C9: variants seen among roughly 807,000 people sequenced by gnomAD.
C9 encodes complement component C9.
In C9, 63 loss-of-function variants were observed where a neutral mutation model predicts 65.4. That is an observed-to-expected ratio of 0.96 (90% CI 0.79 to 1.19). C9 has a LOEUF of 1.19. C9 is among the 50% of genes most tolerant of loss of function. The pLI, the probability that C9 is intolerant of heterozygous loss-of-function variation, is 0.00. For synonymous variants in C9, 229 were observed against 227.9 expected (o/e 1.00, Z -0.04); for missense variants, 744 against 670.1 (o/e 1.11, Z -1.22).
At chr5:39,351,865 C>A (rs1028524876) in intron 1 of C9, among the ~76,000 whole-genome samples, 2 of 152,150 alleles carry the variant, frequency 1.3e-5, no homozygotes, top group Non-Finnish European at 1.5e-5. Flanking sequence ...TGCCTGTTAC[C>A]CAGTTCCAAA....
At chr5:39,327,327 A>AG (rs1191617405) in intron 5 of C9, among the ~76,000 whole-genome samples, 1 of 152,214 alleles carries the variant, frequency 6.6e-6, no homozygotes, top group East Asian at 1.9e-4. Flanking sequence ...GAAAAGCTAG[A>AG]GGCTGTAAAC....
rs1752949730 is a variant in C9 at position 39,284,331 on chromosome 5, A to G, written c.*868T>C. On this transcript the variant is annotated 3_prime_UTR_variant, in exon 11 of 11. Coordinates refer to ENST00000263408, the MANE Select transcript of C9 (RefSeq NM_001737.5). ...CAAAAGGTCTCAGACCCTAAGCACC[A>G]TGTTCTCTAATGAATAAGATTGTAC... 6.6e-6 allele frequency: 1 copy of G among 152,006 alleles called. No homozygotes were observed. The highest frequency in any genetic ancestry group is 6.6e-5 in the Admixed American group (1 of 15,240). The allele number at this position is 152,006 out of a possible 1,614,324, so 9.4% of individuals were successfully genotyped here.
intron 5 of C9, among the ~76,000 whole-genome samples, chr5:39,324,601 C>T (rs1368017131): frequency 6.6e-6 from 1 of 151,998 alleles, no homozygotes; most frequent in Non-Finnish European, 1.5e-5. Context: ...ATGGTAGTGG[C>T]GAGTACAGCC....
At chr5:39,286,310 G>A (rs1266766996) in intron 10 of C9, among the ~76,000 whole-genome samples, 1 of 151,958 alleles carries the variant, frequency 6.6e-6, no homozygotes, top group African/African-American at 2.4e-5. Flanking sequence ...AAATCACTAA[G>A]TACTGAAGAA....
At chr5:39,340,287 C>A (rs908592209) in intron 4 of C9, among the ~76,000 whole-genome samples, 1 of 152,062 alleles carries the variant, frequency 6.6e-6, no homozygotes, top group African/African-American at 2.4e-5. Flanking sequence ...AGCCATATAC[C>A]ATCTCTTTCA....
Position 39,341,227 on chromosome 5 carries a change from T to C in C9, c.395A>G (p.Asp132Gly), listed in dbSNP as rs769497159. ...GGGACGGGGCTCACTTTCACAATCA[T>C]CCTCATCTGAAAAGTCTCCGCAGTC... ...DNDCGDFSDE[D>G]DCESEPRPPC... Residue 132 changes from aspartate (D) to glycine (G), a missense_variant, in exon 4 of 11, where the codon GAT (aspartate) becomes GGT (glycine). Physicochemically the swap from Asp to Gly is moderately conservative, Grantham distance 94. Coordinates refer to ENST00000263408, the MANE Select transcript of C9 (RefSeq NM_001737.5). 1 of 1,614,136 alleles carries C rather than the reference T, an allele frequency of 6.2e-7. No individual in the cohort carries two copies.
chr5:39,345,149 A>G (rs905569082), intron 1 of C9, among the ~76,000 whole-genome samples: 1 of 152,224 alleles, frequency 6.6e-6, no homozygotes, highest in Non-Finnish European at 1.5e-5. Flanking sequence ...TCATAATGAC[A>G]GGATCAAATT....
chr5:39,298,916 C>T (rs1279289163), intron 9 of C9, among the ~76,000 whole-genome samples: 1 of 151,696 alleles, frequency 6.6e-6, no homozygotes, highest in African/African-American at 2.4e-5. Flanking sequence ...TATCATTCAC[C>T]ATAACAACTT....
Position 39,288,811 on chromosome 5 carries a change from C to G in C9, c.1557G>C (p.Val519=). The change falls in exon 10 of 11, where the codon GTG becomes GTC. Residue 519 remains valine, a synonymous_variant. Coordinates refer to ENST00000263408, the MANE Select transcript of C9 (RefSeq NM_001737.5). ...ACAAACACTTTCCATCCATTAGAAT[C>G]ACTGTACCTCCATTTTGGCATGTGT... ...KCHTCQNGGT[V]ILMDGKCLCA... is the part of the protein sequence containing the mutation. 2 of 1,612,214 alleles carry G rather than the reference C, an allele frequency of 1.2e-6. No individual in the cohort carries two copies. The highest frequency in any genetic ancestry group is 1.7e-5 in the Admixed American group (1 of 59,868).
In C9 at chr5:39,311,312, A is replaced by T. The variant is rs779637003; in HGVS notation, c.936T>A (p.Asp312Glu). The change falls in exon 7 of 11, where the codon GAT becomes GAA. Residue 312 changes from aspartate (D) to glutamate (E), a missense_variant. Transcript: ENST00000263408. ...HLGRFVMRNR[D>E]VVLTTTFVDD... ...CCACAAAAGTTGTTGTGAGCACAAC[A>T]TCGCGATTTCTCATTACAAATCTTC... is the stretch of plus-strand genomic sequence containing the variant. 1.9e-6 allele frequency: 3 copies of T among 1,613,176 alleles called. No homozygotes were observed. Among genetic ancestry groups the T allele is most frequent in the South Asian group, 1.1e-5 (1 of 91,062 alleles).
chr5:39,303,197 T>C (rs944043413), intron 9 of C9, among the ~76,000 whole-genome samples: 3 of 152,192 alleles, frequency 2.0e-5, no homozygotes, highest in Non-Finnish European at 4.4e-5. Flanking sequence ...AGCTATTCTG[T>C]TGAGTTAAAC....
intron 9 of C9, 97 bp downstream of exon 9, chr5:39,306,520 G>T: frequency 3.1e-6 from 3 of 974,012 alleles, no homozygotes; most frequent in Non-Finnish European, 3.3e-6. Context: ...GAATGTTCAC[G>T]TCTCTTTCAG....
intron 1 of C9, among the ~76,000 whole-genome samples, chr5:39,359,014 A>AATAAAT (rs1164914901): frequency 1.3e-4 from 2 of 15,838 alleles, no homozygotes; most frequent in African/African-American, 5.7e-4. Flanking sequence ...TAAATAAATA[A>AATAAAT]AAAATATATA....
intron 5 of C9, among the ~76,000 whole-genome samples, chr5:39,325,503 G>A (rs1417652325): frequency 2.0e-5 from 3 of 152,120 alleles, no homozygotes; most frequent in Non-Finnish European, 4.4e-5. Flanking sequence ...CGCCAGGCGC[G>A]GTTGCTCACG....
chr5:39,302,489 G>C (rs1753303207), intron 9 of C9, among the ~76,000 whole-genome samples: 1 of 152,092 alleles, frequency 6.6e-6, no homozygotes, highest in African/African-American at 2.4e-5. Flanking sequence ...CTAAACAAGA[G>C]AGTTAGAAAT....
chr5:39,302,175 C>G (rs1373371270), intron 9 of C9, among the ~76,000 whole-genome samples: 1 of 151,990 alleles, frequency 6.6e-6, no homozygotes, highest in Non-Finnish European at 1.5e-5. Flanking sequence ...CACAGGAGGA[C>G]AAAGGAAAAT....
chr5:39,336,371 AT>A (rs533354089), intron 4 of C9, among the ~76,000 whole-genome samples: 1 of 152,152 alleles, frequency 6.6e-6, no homozygotes, highest in African/African-American at 2.4e-5. Context: ...AATATAGTTT[AT>A]TTTTTAAAGT....
chr5:39,306,087 C>T (rs1753369270), intron 9 of C9, among the ~76,000 whole-genome samples: 1 of 147,536 alleles, frequency 6.8e-6, no homozygotes, highest in Admixed American at 6.9e-5. Flanking sequence ...CACTTGAACT[C>T]GGAAGGCGGA....
chr5:39,323,769 A>T (rs1045427107), intron 5 of C9, among the ~76,000 whole-genome samples: 3 of 152,070 alleles, frequency 2.0e-5, no homozygotes, highest in African/African-American at 7.2e-5. Context: ...CAAGACAAGG[A>T]TGCCCATTGT....
Sources: gnomAD v4.1 joint callset for allele counts (sites outside exome capture counted in the v4.1 genomes callset) on GRCh38, gnomAD v4.1.1 for gene constraint, MANE v1.5 for transcripts, NCBI Gene and HGNC (gene_info 2026-07-23, HGNC 2026-07-21) for gene names.